The following ADAMTSL3 variants were observed in gnomAD, a reference collection of about 807,000 sequenced individuals.
ADAMTSL3 encodes ADAMTS-like protein 3.
Under a neutral mutation model 201.7 loss-of-function variants are expected in ADAMTSL3, and 128 were observed. The observed-to-expected ratio is 0.63, with a 90% CI of 0.55 to 0.73. ADAMTSL3 has a LOEUF of 0.73. ADAMTSL3 is among the 30% of genes least tolerant of loss of function. The pLI, the probability that ADAMTSL3 is intolerant of heterozygous loss-of-function variation, is 0.00. For missense variants in ADAMTSL3, 1,990 were observed against 2,119.6 expected (o/e 0.94, Z 1.20); for synonymous variants, 738 against 748.4 (o/e 0.99, Z 0.23).
chr15:83,668,125 T>A (rs182330383), intron 2 of ADAMTSL3, among the ~76,000 whole-genome samples: 2 of 152,090 alleles, frequency 1.3e-5, no homozygotes, highest in South Asian at 2.1e-4. Context: ...GAATAAGCAA[T>A]TGGGAACATG....
intron 15 of ADAMTSL3, among the ~76,000 whole-genome samples, chr15:83,907,990 T>C (rs2065870812): frequency 1.3e-5 from 2 of 152,348 alleles, no homozygotes; most frequent in Admixed American, 1.3e-4. Flanking sequence ...ACTGACAGTG[T>C]TTAAGTGTCC....
chr15:83,880,788 C>T (rs553956398), intron 9 of ADAMTSL3, among the ~76,000 whole-genome samples: 51 of 152,252 alleles, frequency 3.3e-4, no homozygotes, highest in African/African-American at 9.1e-4. Flanking sequence ...GCCCCTCCTG[C>T]GGGGAAACAA....
intron 2 of ADAMTSL3, 79 bp downstream of exon 2, chr15:83,655,909 G>A: frequency 7.3e-7 from 1 of 1,371,490 alleles, no homozygotes; most frequent in Non-Finnish European, 1.0e-6. Context: ...TACCACCTAA[G>A]ATGTGGCATG....
chr15:83,928,173 T>G (rs887110728), intron 17 of ADAMTSL3, among the ~76,000 whole-genome samples: 1 of 151,984 alleles, frequency 6.6e-6, no homozygotes, highest in Non-Finnish European at 1.5e-5. Flanking sequence ...TTTTAGAGAT[T>G]AGGTTTTTCT....
At chr15:83,691,639 T>C (rs1470197308) in intron 2 of ADAMTSL3, among the ~76,000 whole-genome samples, 2 of 152,230 alleles carry the variant, frequency 1.3e-5, no homozygotes, top group African/African-American at 2.4e-5. Flanking sequence ...TATTTTGAGA[T>C]GGAGTTTCAT....
At chr15:83,825,295 A>G (rs1434898139) in intron 6 of ADAMTSL3, among the ~76,000 whole-genome samples, 2 of 152,304 alleles carry the variant, frequency 1.3e-5, no homozygotes, top group South Asian at 2.1e-4. Context: ...CATTGTTTTT[A>G]TAATTAAAAT....
intron 7 of ADAMTSL3, 40 bp from the exon 8 acceptor site, chr15:83,858,726 T>A (rs777040289): frequency 6.6e-6 from 10 of 1,506,656 alleles, no homozygotes; most frequent in African/African-American, 1.4e-5. Context: ...GGGCCTTTAG[T>A]GTACTGGTTT....
chr15:83,925,938 A>T lies in ADAMTSL3; in HGVS notation c.2117+1905A>T, dbSNP rs571117524. Among the ~76,000 whole-genome samples the T allele has an allele frequency of 2.6e-5, 4 of 152,352 alleles. No individual in the cohort carries two copies. In the East Asian group the frequency reaches 7.7e-4, roughly 29 times the overall value. ...AAAATACAGGGAGGGGGCAAAACAT[A>T]GTTATATTTCTCAACATATTTCCCC... On this transcript the variant is annotated intron_variant, in intron 17 of 29. Coordinates refer to ENST00000286744, the MANE Select transcript of ADAMTSL3 (RefSeq NM_207517.3).
intron 9 of ADAMTSL3, among the ~76,000 whole-genome samples, chr15:83,878,378 G>A (rs1420951645): frequency 6.6e-6 from 1 of 152,148 alleles, no homozygotes; most frequent in African/African-American, 2.4e-5. Context: ...CATTTTTGGA[G>A]GCCAAGGCAG....
At chr15:83,888,506 A>G (rs181097662) in intron 10 of ADAMTSL3, among the ~76,000 whole-genome samples, 66 of 152,338 alleles carry the variant, frequency 4.3e-4, no homozygotes, top group African/African-American at 1.6e-3. Context: ...ACCAAAATTT[A>G]ATTATATTAG....
chr15:83,823,530 T>C (rs2063931747), intron 6 of ADAMTSL3, among the ~76,000 whole-genome samples: 3 of 152,202 alleles, frequency 2.0e-5, no homozygotes, highest in African/African-American at 7.2e-5. Context: ...TTTGATCCAT[T>C]GCCACGTCCT....
chr15:83,788,738 T>G (rs1461137670), intron 4 of ADAMTSL3, among the ~76,000 whole-genome samples: 2 of 152,198 alleles, frequency 1.3e-5, no homozygotes, highest in African/African-American at 4.8e-5. Flanking sequence ...CTATAAAAAC[T>G]CATTCTCTTC....
chr15:83,881,862 GA>G (rs1282244584), intron 9 of ADAMTSL3, among the ~76,000 whole-genome samples: 1 of 141,590 alleles, frequency 7.1e-6, no homozygotes, highest in African/African-American at 2.6e-5. Flanking sequence ...CTCAAAAAAA[GA>G]AAAAAAAAGG....
chr15:83,753,510 A>T (rs899016011), intron 3 of ADAMTSL3, among the ~76,000 whole-genome samples: 1 of 152,184 alleles, frequency 6.6e-6, no homozygotes, highest in African/African-American at 2.4e-5. Context: ...TGCCCCTAAA[A>T]TGTGGTCTGG....
Position 83,983,284 on chromosome 15 carries a change from C to A in ADAMTSL3, c.3656C>A (p.Thr1219Asn). Reference protein sequence around the residue: ...EVINILCDLITPSEATYTWTK... With the variant: ...EVINILCDLINPSEATYTWTK... ...ATCAATATACTGTGTGACCTTATTA[C>A]CCCCAGTGAGGCCACATATACATGG... is the stretch of plus-strand genomic sequence containing the variant. The change falls in exon 21 of 30, where the codon ACC becomes AAC. Residue 1219 changes from threonine (T) to asparagine (N), a missense_variant. Coordinates refer to ENST00000286744, the MANE Select transcript of ADAMTSL3 (RefSeq NM_207517.3). 6.2e-7 allele frequency: 1 copy of A among 1,602,042 alleles called. No individual in the cohort carries two copies. The highest frequency in any genetic ancestry group is 8.5e-7 in the Non-Finnish European group (1 of 1,174,308).
At chr15:84,011,352 T>C (rs543984394) in intron 23 of ADAMTSL3, among the ~76,000 whole-genome samples, 1 of 152,288 alleles carries the variant, frequency 6.6e-6, no homozygotes, top group East Asian at 1.9e-4. Flanking sequence ...CCCATTAAAG[T>C]TGGAAACAAG....
At chr15:83,869,968 T>C (rs2065051667) in intron 8 of ADAMTSL3, among the ~76,000 whole-genome samples, 1 of 152,058 alleles carries the variant, frequency 6.6e-6, no homozygotes, top group African/African-American at 2.4e-5. Flanking sequence ...TGAAACCAGA[T>C]CTACTAAGTG....
At chr15:83,883,171 T>G (rs1596352518) in intron 9 of ADAMTSL3, among the ~76,000 whole-genome samples, 2 of 151,022 alleles carry the variant, frequency 1.3e-5, no homozygotes, top group African/African-American at 4.8e-5. Context: ...TTTATTTTAT[T>G]TTATTTTATT....
At chr15:83,733,142 A>G (rs2062309271) in intron 3 of ADAMTSL3, among the ~76,000 whole-genome samples, 1 of 152,170 alleles carries the variant, frequency 6.6e-6, no homozygotes, top group South Asian at 2.1e-4. Context: ...AATGTAAAAT[A>G]TCTCCTTAAA....
Sources: allele counts gnomAD v4.1 joint callset (sites outside exome capture counted in the v4.1 genomes callset), GRCh38; gene constraint gnomAD v4.1.1; transcripts MANE v1.5; gene names NCBI Gene and HGNC (gene_info 2026-07-23, HGNC 2026-07-21).